The following F13A1 variants were observed in gnomAD, a reference collection of about 807,000 sequenced individuals.
F13A1 encodes the protein FSF, A subunit.
A neutral mutation model predicts 80.1 loss-of-function variants in F13A1; 47 were observed. That is an observed-to-expected ratio of 0.59 (90% CI 0.46 to 0.75). The LOEUF is 0.75. Among genes scored for constraint, F13A1 ranks in the 30% least tolerant of loss-of-function variants. The pLI is 0.00. For synonymous variants in F13A1, 349 were observed against 344.9 expected (o/e 1.01, Z -0.13); for missense variants, 817 against 930.4 (o/e 0.88, Z 1.59).
rs73720323 is a variant in F13A1 at position 6,154,996 on chromosome 6, G to A, written c.1909-3047C>T. Among the ~76,000 whole-genome samples the A allele has an allele frequency of 4.5e-3, 683 of 152,254 alleles. 9 individuals are homozygous for A. Among genetic ancestry groups the A allele is most frequent in the African/African-American group, 0.016 (650 of 41,554 alleles). ...CATAAGCCCCTTCAAAAGTATATCT[G>A]ATAGTAGCTACTGACCTTTCCTCTA... On this transcript the variant is annotated intron_variant, in intron 13 of 14. Coordinates refer to ENST00000264870, the MANE Select transcript of F13A1 (RefSeq NM_000129.4).
intron 13 of F13A1, among the ~76,000 whole-genome samples, chr6:6,156,711 G>A (rs1328482435): frequency 3.3e-5 from 5 of 152,172 alleles, no homozygotes; most frequent in Non-Finnish European, 5.9e-5. Flanking sequence ...GGGTGGTTAG[G>A]AAATGTTCTC....
intron 6 of F13A1, among the ~76,000 whole-genome samples, chr6:6,241,150 C>T (rs1051119944): frequency 6.6e-5 from 10 of 152,152 alleles, no homozygotes; most frequent in African/African-American, 2.4e-4. Context: ...GAGACAATAA[C>T]ACTTTTAAAT....
chr6:6,222,204 T>C (rs1757204948), intron 7 of F13A1, 33 bp from the exon 8 acceptor site: 1 of 1,613,398 alleles, frequency 6.2e-7, no homozygotes, highest in African/African-American at 1.3e-5. Flanking sequence ...GCTAAACACA[T>C]CACCAGCATT....
In F13A1 at chr6:6,248,305, T is replaced by C; in HGVS notation, c.798+7A>G. On this transcript the variant is annotated splice_region_variant and intron_variant, in intron 6 of 14. Coordinates refer to ENST00000264870, the MANE Select transcript of F13A1 (RefSeq NM_000129.4). ...ACAGATTTTAGGTATCAGTAATTGC[T>C]GCTTACCATTGCAGACCCCACACGG... 6.2e-7 allele frequency: 1 copy of C among 1,612,212 alleles called. No homozygotes were observed. Among genetic ancestry groups the C allele is most frequent in the Non-Finnish European group, 8.5e-7 (1 of 1,178,356 alleles).
intron 13 of F13A1, among the ~76,000 whole-genome samples, chr6:6,160,727 C>T (rs1760558677): frequency 6.6e-6 from 1 of 152,056 alleles, no homozygotes; most frequent in South Asian, 2.1e-4. Context: ...TGGATGAATG[C>T]AAGAGTGACT....
intron 11 of F13A1, among the ~76,000 whole-genome samples, chr6:6,177,465 C>T (rs1760901408): frequency 6.6e-6 from 1 of 152,228 alleles, no homozygotes; most frequent in African/African-American, 2.4e-5. Flanking sequence ...TGTTGTCCAC[C>T]TCTGCATCCC....
chr6:6,213,760 C>T (rs1761668098), intron 8 of F13A1, among the ~76,000 whole-genome samples: 1 of 149,664 alleles, frequency 6.7e-6, no homozygotes, highest in African/African-American at 2.4e-5. Context: ...CAAGACCCTT[C>T]AGTGTGCTGT....
At chr6:6,229,409 A>C (rs1012816151) in intron 6 of F13A1, among the ~76,000 whole-genome samples, 1 of 152,214 alleles carries the variant, frequency 6.6e-6, no homozygotes. Context: ...TATTATTAAA[A>C]ATAAAAATTA....
intron 8 of F13A1, 78 bp from the exon 9 acceptor site, chr6:6,197,404 G>T: frequency 7.3e-7 from 1 of 1,377,994 alleles, no homozygotes; most frequent in Non-Finnish European, 1.0e-6. Flanking sequence ...TGACGGCCAG[G>T]CACAGTGGCT....
intron 10 of F13A1, among the ~76,000 whole-genome samples, chr6:6,188,868 G>A (rs1271405024): frequency 2.7e-5 from 2 of 73,082 alleles, no homozygotes; most frequent in Non-Finnish European, 4.8e-5. Flanking sequence ...AAGTCTCTTT[G>A]TAGGTCTCTA....
At chr6:6,297,329 T>C (rs1407819532) in intron 3 of F13A1, among the ~76,000 whole-genome samples, 1 of 151,756 alleles carries the variant, frequency 6.6e-6, no homozygotes, top group South Asian at 2.1e-4. Flanking sequence ...ATGGTACCAG[T>C]TCCTCCTTGT....
chr6:6,167,346 T>G, intron 13 of F13A1, 112 bp downstream of exon 13: 1 of 824,364 alleles, frequency 1.2e-6, no homozygotes, highest in Non-Finnish European at 1.7e-6. Context: ...TTTTTTTTTT[T>G]GAGCAGGACA....
At chr6:6,212,766 A>C (rs972998843) in intron 8 of F13A1, among the ~76,000 whole-genome samples, 2 of 152,214 alleles carry the variant, frequency 1.3e-5, no homozygotes, top group African/African-American at 4.8e-5. Flanking sequence ...AAGGCAAAGA[A>C]GTTGAAAACT....
chr6:6,189,862 AGTGAGAC>A (rs1761153187), intron 10 of F13A1, among the ~76,000 whole-genome samples: 1 of 152,032 alleles, frequency 6.6e-6, no homozygotes, highest in South Asian at 2.1e-4. Context: ...CAGGTACACC[AGTGAGAC>A]GTAGATTTGG....
intron 8 of F13A1, among the ~76,000 whole-genome samples, chr6:6,220,141 T>TCTGA (rs1419734301): frequency 6.6e-6 from 1 of 152,172 alleles, no homozygotes. Flanking sequence ...TGTGCTGGTC[T>TCTGA]CAGCCCCGCA....
chr6:6,316,864 T>TC (rs141823115), intron 2 of F13A1, among the ~76,000 whole-genome samples: 1,838 of 152,284 alleles, frequency 0.012, 47 homozygotes, highest in African/African-American at 0.041. Context: ...AATATGACTT[T>TC]CCCAGAGTGA....
At chr6:6,310,916 T>C (rs1420920596) in intron 2 of F13A1, among the ~76,000 whole-genome samples, 2 of 152,220 alleles carry the variant, frequency 1.3e-5, no homozygotes, top group Non-Finnish European at 2.9e-5. Context: ...GCAGTGGCCT[T>C]CCAGCCTTCC....
chr6:6,318,879 G>T (rs142292318), intron 1 of F13A1, among the ~76,000 whole-genome samples, 197 bp from the exon 2 acceptor site: 128 of 152,262 alleles, frequency 8.4e-4, no homozygotes, highest in African/African-American at 3.0e-3. Flanking sequence ...GTTCCCCAAG[G>T]ATCTTGGGGA....
At chr6:6,192,796 G>C (rs528758244) in intron 10 of F13A1, among the ~76,000 whole-genome samples, 2 of 152,166 alleles carry the variant, frequency 1.3e-5, no homozygotes, top group African/African-American at 4.8e-5. Context: ...GGGCAGGCAG[G>C]AGTGTGTGCA....
Sources: allele counts gnomAD v4.1 joint callset (sites outside exome capture counted in the v4.1 genomes callset), GRCh38; gene constraint gnomAD v4.1.1; transcripts MANE v1.5; gene names NCBI Gene and HGNC (gene_info 2026-07-23, HGNC 2026-07-21).